LCN10: variants seen among roughly 807,000 people sequenced by gnomAD.
LCN10 encodes the protein lipocalin 10, also known as epididymal-specific lipocalin-10.
Under a neutral mutation model 25.1 loss-of-function variants are expected in LCN10, and 18 were observed. The ratio of observed to expected loss-of-function variants is 0.72; its 90% CI spans 0.50 to 1.06. The LOEUF (loss-of-function observed/expected upper bound fraction) is 1.06. Among genes scored for constraint, LCN10 ranks in the 50% least tolerant of loss-of-function variants. The pLI is 0.00. For missense variants in LCN10, 257 were observed against 258.9 expected, an observed-to-expected ratio of 0.99 and a Z score of 0.05; for synonymous variants, 130 against 116.7, an observed-to-expected ratio of 1.11 and a Z score of -0.73.
Position 136,740,326 on chromosome 9 carries a change from C to A in LCN10, c.476-278G>T. The A allele has an allele frequency of 1.9e-6, 1 of 516,140 alleles. No homozygotes were observed. Among genetic ancestry groups the A allele is most frequent in the Non-Finnish European group, 3.5e-6 (1 of 282,970 alleles). The allele number at this position is 516,140 out of a possible 1,614,324, so 32.0% of individuals were successfully genotyped here. Reference sequence around the variant, plus strand: ...CCCTCAGCTGTGCCCCAGCTTGCTGCACCCTGAGCGTGCCCTGCCTCGACT... The same window carrying A: ...CCCTCAGCTGTGCCCCAGCTTGCTGAACCCTGAGCGTGCCCTGCCTCGACT... On this transcript the variant is annotated intron_variant, in intron 4 of 5. Transcript: ENST00000497771. The surrounding 1 kb of genome is among the most constrained non-coding windows in gnomAD (Gnocchi z 5.3).
rs1846910118 is a variant in LCN10 at position 136,740,580 on chromosome 9, C to T, written c.475+256G>A. 1 of 541,370 alleles carries T rather than the reference C, an allele frequency of 1.8e-6. No individual in the cohort carries two copies. The highest frequency in any genetic ancestry group is 2.6e-5 in the South Asian group (1 of 38,594). The allele number at this position is 541,370 out of a possible 1,614,324, so 33.5% of individuals were successfully genotyped here. A position where few individuals can be genotyped will look rare whatever the true frequency, so the allele number is the denominator to read the frequency against. On this transcript the variant is annotated intron_variant, in intron 4 of 5. Coordinates refer to ENST00000497771, the MANE Select transcript of LCN10 (RefSeq NM_001001712.3). The surrounding 1 kb of genome is among the most constrained non-coding windows in gnomAD (Gnocchi z 5.3). ...ACGTTGCACCTGCACCCGCCACCAT[C>T]CTGGTGGCCTCCGCTCCCCCTGGAT...
rs1373690590 is a variant in LCN10 at position 136,738,682 on chromosome 9, ATTCT to A, written c.*839_*842del. ...CTCCTCTGTGGCTCTCCCCGCCGCC[ATTCT>A]GATACTGGCGTCCCCAATCTCCTTG... On this transcript the variant is annotated 3_prime_UTR_variant, in exon 6 of 6. Coordinates refer to ENST00000497771, the MANE Select transcript of LCN10 (RefSeq NM_001001712.3). 1 of 152,244 alleles carries A rather than the reference ATTCT, an allele frequency of 6.6e-6. No homozygotes were observed. The highest frequency in any genetic ancestry group is 2.4e-5 in the African/African-American group (1 of 41,410). 9.4% of individuals were successfully genotyped at this position (152,244 alleles called of 1,614,324 possible).
At chr9:136,742,117 C>A in intron 1 of LCN10, 97 bp from the exon 2 acceptor site, 1 of 1,472,424 alleles carries the variant, frequency 6.8e-7, no homozygotes, top group South Asian at 1.3e-5. Flanking sequence ...ACAAATGACC[C>A]TTCTGTGAGC....
chr9:136,741,182 G>C (rs1302768658), intron 3 of LCN10, 70 bp downstream of exon 3: 2 of 1,345,762 alleles, frequency 1.5e-6, no homozygotes, highest in Non-Finnish European at 2.1e-6. Flanking sequence ...GGGACAAGGG[G>C]CCTGCTCAAG....
Position 136,742,091 on chromosome 9 carries a change from C to A in LCN10, c.118-71G>T, listed in dbSNP as rs1396099571. The A allele has an allele frequency of 4.4e-6, 7 of 1,574,378 alleles. No individual in the cohort carries two copies. The East Asian group carries it at 1.4e-4, about 31-fold the overall frequency. ...CTGTCCCCACCCCCGAGGTTCCCAG[C>A]TAGAGAACCCAGGAGACAAATGACC... On this transcript the variant is annotated intron_variant, in intron 1 of 5. Coordinates refer to ENST00000497771, the MANE Select transcript of LCN10 (RefSeq NM_001001712.3).
At position 136,739,468 on chromosome 9, in the gene LCN10, G is replaced by A. The variant is rs1194118579; in HGVS notation, c.*57C>T. On this transcript the variant is annotated 3_prime_UTR_variant, in exon 6 of 6. Transcript: ENST00000497771. The surrounding 1 kb of genome is among the most constrained non-coding windows in gnomAD (Gnocchi z 6.1). Reference sequence around the variant, plus strand: ...GTCTCCACTTGACATCTGGAACAACGCTCCTCGGGTCTGGGAGGACCACGC... The same window carrying A: ...GTCTCCACTTGACATCTGGAACAACACTCCTCGGGTCTGGGAGGACCACGC... 1.9e-6 allele frequency: 3 copies of A among 1,551,828 alleles called. No individual in the cohort carries two copies. Among genetic ancestry groups the A allele is most frequent in the Admixed American group, 3.8e-5 (2 of 51,986 alleles).
chr9:136,741,732 C>T, intron 2 of LCN10, 149 bp downstream of exon 2: 1 of 1,145,110 alleles, frequency 8.7e-7, no homozygotes, highest in Non-Finnish European at 1.2e-6. Context: ...CTGCAGGTGG[C>T]TTCCTCTGAG....
chr9:136,742,243 G>A (rs1846952832), intron 1 of LCN10: 1 of 568,808 alleles, frequency 1.8e-6, no homozygotes, highest in Admixed American at 3.2e-5. Flanking sequence ...AGGCAGCAAA[G>A]GGCTGGGCTG....
In LCN10 at chr9:136,741,935, G is replaced by A. The variant is rs780164621; in HGVS notation, c.203C>T (p.Ser68Phe). ...GCCCACTTTGTTCACCTTTACCACGGACGCCCCCAGCTTCCTCTTGTCCCT... is the reference window on the plus strand; with the variant it reads ...GCCCACTTTGTTCACCTTTACCACGAACGCCCCCAGCTTCCTCTTGTCCCT... ...PARDKRKLGA[S>F]VVKVNKVGQL... The change falls in exon 2 of 6, where the codon TCC (serine) becomes TTC (phenylalanine). Residue 68 changes from serine to phenylalanine, a missense_variant. By Grantham distance (155) the Ser-to-Phe change is radical. Coordinates refer to ENST00000497771, the MANE Select transcript of LCN10 (RefSeq NM_001001712.3). 6.2e-7 allele frequency: 1 copy of A among 1,611,284 alleles called. No individual in the cohort carries two copies. Among genetic ancestry groups the A allele is most frequent in the Non-Finnish European group, 8.5e-7 (1 of 1,179,036 alleles).
In LCN10 at chr9:136,741,906, G is replaced by A; in HGVS notation, c.232C>T (p.Leu78Phe). The change falls in exon 2 of 6, where the codon CTC (leucine) becomes TTC (phenylalanine). Residue 78 changes from leucine (L) to phenylalanine (F), a missense_variant. Leu to Phe is a conservative substitution (Grantham distance 22). Coordinates refer to ENST00000497771, the MANE Select transcript of LCN10 (RefSeq NM_001001712.3). ...CGTCTGAAGGCGAGGAGCACGCGGA[G>A]CTGGCCCACTTTGTTCACCTTTACC... ...SVVKVNKVGQ[L>F]RVLLAFRRLK... is the part of the protein sequence containing the mutation. 2.5e-6 allele frequency: 4 copies of A among 1,608,760 alleles called. No homozygotes were observed. Among genetic ancestry groups the A allele is most frequent in the African/African-American group, 1.3e-5 (1 of 74,970 alleles).
Position 136,740,252 on chromosome 9 carries a change from G to A in LCN10, c.476-204C>T, listed in dbSNP as rs1020066093. ...AGGCTCGGGAAGCCAGGGTCACCAC[G>A]CTGTCACCTGGGGAACCCTCTCTGC... On this transcript the variant is annotated intron_variant, in intron 4 of 5. Coordinates refer to ENST00000497771, the MANE Select transcript of LCN10 (RefSeq NM_001001712.3). This position sits in a 1 kb window ranked among gnomAD's most constrained non-coding sequence, Gnocchi z 5.3. 2 of 593,998 alleles carry A rather than the reference G, an allele frequency of 3.4e-6. No homozygotes were observed. Among genetic ancestry groups the A allele is most frequent in the Non-Finnish European group, 3.1e-6 (1 of 327,018 alleles). 36.8% of individuals were successfully genotyped at this position (593,998 alleles called of 1,614,324 possible).
intron 1 of LCN10, 57 bp from the exon 2 acceptor site, chr9:136,742,077 C>G: frequency 3.1e-6 from 5 of 1,598,314 alleles, no homozygotes; most frequent in Non-Finnish European, 4.3e-6. Context: ...TGTCCCCACC[C>G]CCGAGGTTCC....
rs373743384 is a variant in LCN10, at chr9:136,741,352, C to A, written c.267G>T (p.Gly89=). The A allele has an allele frequency of 1.2e-6, 2 of 1,611,638 alleles. No individual in the cohort carries two copies. The highest frequency in any genetic ancestry group is 4.5e-5 in the East Asian group (2 of 44,888). The part of the protein sequence containing the change: ...RVLLAFRRLK[G]CQSQEVILRK... ...TCAGGATCACCTCCTGGGACTGGCA[C>A]CCCTTCAACCTGGGGCCAAGGCGGG... The change falls in exon 3 of 6, where the codon GGG becomes GGT. Residue 89 remains glycine, a synonymous_variant. Transcript: ENST00000497771.
In LCN10 at chr9:136,739,861, C is replaced by A. The variant is rs988662910; in HGVS notation, c.574+89G>T. 1.8e-6 allele frequency: 2 copies of A among 1,086,768 alleles called. No homozygotes were observed. Among genetic ancestry groups the A allele is most frequent in the East Asian group, 5.2e-5 (2 of 38,606 alleles). 67.3% of individuals were successfully genotyped at this position (1,086,768 alleles called of 1,614,324 possible). A position where few individuals can be genotyped will look rare whatever the true frequency, so the allele number is the denominator to read the frequency against. ...TCAAATGGCACCTTTCAAATGGATCCTTTCATCTCTCCTTCCCCCAATGAA... is the reference window on the plus strand; with the variant it reads ...TCAAATGGCACCTTTCAAATGGATCATTTCATCTCTCCTTCCCCCAATGAA... On this transcript the variant is annotated intron_variant, in intron 5 of 5. Coordinates refer to ENST00000497771, the MANE Select transcript of LCN10 (RefSeq NM_001001712.3). The surrounding 1 kb of genome is among the most constrained non-coding windows in gnomAD (Gnocchi z 6.1).
Position 136,739,649 on chromosome 9 carries a change from C to T in LCN10, c.575-96G>A, listed in dbSNP as rs568352724. 5.3e-5 allele frequency: 64 copies of T among 1,198,392 alleles called. No homozygotes were observed. The highest frequency in any genetic ancestry group is 2.1e-4 in the African/African-American group (14 of 66,200). 74.2% of individuals were successfully genotyped at this position (1,198,392 alleles called of 1,614,324 possible). On this transcript the variant is annotated intron_variant, in intron 5 of 5. Coordinates refer to ENST00000497771, the MANE Select transcript of LCN10 (RefSeq NM_001001712.3). This position sits in a 1 kb window ranked among gnomAD's most constrained non-coding sequence, Gnocchi z 6.1. ...CCCCCGGCCGCTCCCTGGTTCCATG[C>T]GTGCTCGTCTTGGGCACCACGAGAA...
Position 136,739,491 on chromosome 9 carries a change from C to G in LCN10, c.*34G>C, listed in dbSNP as rs144903387. On this transcript the variant is annotated 3_prime_UTR_variant, in exon 6 of 6. Coordinates refer to ENST00000497771, the MANE Select transcript of LCN10 (RefSeq NM_001001712.3). The surrounding 1 kb of genome is among the most constrained non-coding windows in gnomAD (Gnocchi z 6.1). ...ACGCTCCTCGGGTCTGGGAGGACCA[C>G]GCGTCGAAAGGGAAGAGCAGAGGAC... 6.3e-7 allele frequency: 1 copy of G among 1,582,690 alleles called. No individual in the cohort carries two copies. The highest frequency in any genetic ancestry group is 8.6e-7 in the Non-Finnish European group (1 of 1,164,842).
Position 136,739,386 on chromosome 9 carries a change from C to T in LCN10, c.*139G>A, listed in dbSNP as rs1289060305. 3.4e-6 allele frequency: 3 copies of T among 874,830 alleles called. No homozygotes were observed. Among genetic ancestry groups the T allele is most frequent in the Admixed American group, 4.3e-5 (2 of 46,432 alleles). 54.2% of individuals were successfully genotyped at this position (874,830 alleles called of 1,614,324 possible). A position where few individuals can be genotyped will look rare whatever the true frequency, so the allele number is the denominator to read the frequency against. On this transcript the variant is annotated 3_prime_UTR_variant, in exon 6 of 6. Transcript: ENST00000497771. This position sits in a 1 kb window ranked among gnomAD's most constrained non-coding sequence, Gnocchi z 6.1. ...TGATCATAAAGGATCCCTTGAGCCA[C>T]TTGATTTTCACACTGTCAATGACCT...
At position 136,738,203 on chromosome 9, in the gene LCN10, A is replaced by G. The variant is rs1588294451; in HGVS notation, c.*1322T>C. 6.6e-6 allele frequency: 1 copy of G among 152,196 alleles called. No homozygotes were observed. Among genetic ancestry groups the G allele is most frequent in the South Asian group, 2.1e-4 (1 of 4,832 alleles). 9.4% of individuals were successfully genotyped at this position (152,196 alleles called of 1,614,324 possible). On this transcript the variant is annotated 3_prime_UTR_variant, in exon 6 of 6. Transcript: ENST00000497771. ...ACACAGGAGAGCTTTATTTCTCATAAGAGATTGCAGCCAGCAGGGCAGCCC... is the reference window on the plus strand; with the variant it reads ...ACACAGGAGAGCTTTATTTCTCATAGGAGATTGCAGCCAGCAGGGCAGCCC...
rs766331934 is a variant in LCN10, at chr9:136,742,045, G to A, written c.118-25C>T. ...ACTGCGCAGCGGATGTGTGGGCGGG[G>A]ACAGGAGCTGCCACCGGGGGCTGTC... On this transcript the variant is annotated intron_variant, in intron 1 of 5. Transcript: ENST00000497771. 4 of 1,611,156 alleles carry A rather than the reference G, an allele frequency of 2.5e-6. No individual in the cohort carries two copies. The East Asian group carries it at 6.7e-5, about 27-fold the overall frequency.
Sources: allele counts gnomAD v4.1 joint callset, GRCh38; gene constraint gnomAD v4.1.1; non-coding constraint Gnocchi (gnomAD v3.1); transcripts MANE v1.5; gene names NCBI Gene and HGNC (gene_info 2026-07-23, HGNC 2026-07-21).